ANO4: variants seen among roughly 807,000 people sequenced by gnomAD.
ANO4 encodes the protein anoctamin 4.
In ANO4, 69 loss-of-function variants were observed where a neutral mutation model predicts 141.9. The observed-to-expected ratio is 0.49, with a 90% CI of 0.40 to 0.59. ANO4 has a LOEUF of 0.59. Ranked by LOEUF, ANO4 falls within the 20% of genes least tolerant of loss-of-function variation. ANO4 has a pLI of 0.00. For synonymous variants in ANO4, 350 were observed against 394.3 expected, an observed-to-expected ratio of 0.89 and a Z score of 1.33; for missense variants, 894 against 1,162.2, an observed-to-expected ratio of 0.77 and a Z score of 3.36.
intron 3 of ANO4, among the ~76,000 whole-genome samples, chr12:100,926,641 C>T (rs141043500): frequency 5.4e-5 from 8 of 148,192 alleles, no homozygotes; most frequent in East Asian, 2.0e-4. Context: ...TGTTTCTTTT[C>T]GTTGATGTTA....
intron 3 of ANO4, among the ~76,000 whole-genome samples, chr12:100,742,130 A>T (rs1264326633): frequency 6.6e-6 from 1 of 152,122 alleles, no homozygotes; most frequent in Non-Finnish European, 1.5e-5. Context: ...TATTATTCTT[A>T]CTATTAGTAT....
chr12:101,097,805 C>A, intron 20 of ANO4, 43 bp from the exon 21 acceptor site: 1 of 1,606,948 alleles, frequency 6.2e-7, no homozygotes, highest in Non-Finnish European at 8.5e-7. Context: ...CCCTTTCTTC[C>A]TCTCCATTGA....
chr12:100,924,626 A>G (rs1452638485), intron 3 of ANO4, among the ~76,000 whole-genome samples: 1 of 152,164 alleles, frequency 6.6e-6, no homozygotes, highest in Admixed American at 6.6e-5. Context: ...CAAGAGAATA[A>G]AAATCAGATT....
intron 3 of ANO4, among the ~76,000 whole-genome samples, chr12:100,927,216 T>G (rs1326808335): frequency 6.6e-6 from 1 of 152,066 alleles, no homozygotes; most frequent in East Asian, 1.9e-4. Flanking sequence ...TCTGGATACA[T>G]GAGGCAGGAA....
chr12:101,039,556 G>A lies in ANO4; in HGVS notation c.898-399G>A, dbSNP rs1421636730. On this transcript the variant is annotated intron_variant, in intron 10 of 27. Transcript: ENST00000392977. ...AAGAAGTAGGGAAGAGAACTAATAA[G>A]CCTTGGGCATGGCCCCTGGGCCAGA... 2.0e-5 allele frequency among the ~76,000 whole-genome samples: 3 copies of A among 152,164 alleles called. No individual in the cohort carries two copies. In the East Asian group the frequency reaches 5.8e-4, roughly 29 times the overall value.
chr12:100,999,467 G>C (rs952892647), intron 8 of ANO4, among the ~76,000 whole-genome samples: 1 of 152,112 alleles, frequency 6.6e-6, no homozygotes, highest in African/African-American at 2.4e-5. Context: ...AATAATCCAG[G>C]TAATCTCCCT....
At chr12:100,955,333 C>T (rs1037891113) in intron 5 of ANO4, among the ~76,000 whole-genome samples, 1 of 152,216 alleles carries the variant, frequency 6.6e-6, no homozygotes, top group Non-Finnish European at 1.5e-5. Context: ...GGCTGACTCA[C>T]ATGGCTGGAA....
intron 3 of ANO4, among the ~76,000 whole-genome samples, chr12:100,745,309 C>A (rs926349956): frequency 6.6e-6 from 1 of 152,182 alleles, no homozygotes; most frequent in African/African-American, 2.4e-5. Context: ...TTTGTGAATT[C>A]TTTCCCTTTT....
rs141016576 is a variant in ANO4 at position 101,107,530 on chromosome 12, T to C, written c.2150-2874T>C. On this transcript the variant is annotated intron_variant, in intron 22 of 27. Coordinates refer to ENST00000392977, the MANE Select transcript of ANO4 (RefSeq NM_001286615.2). ...TCTTGAAGGTAGAATGACTACTTCA[T>C]CAAAGTAGTCATAGCAACACTGCAT... Among the ~76,000 whole-genome samples, 1,051 of 134,066 alleles carry C rather than the reference T, an allele frequency of 7.8e-3. 13 individuals carry two copies. The highest frequency in any genetic ancestry group is 0.033 in the African/African-American group (990 of 30,394). 88.0% of individuals were successfully genotyped at this position (134,066 alleles called of 152,430 possible). A position where few individuals can be genotyped will look rare whatever the true frequency, so the allele number is the denominator to read the frequency against.
chr12:101,043,630 G>A lies in ANO4; in HGVS notation c.1246G>A (p.Ala416Thr). The change falls in exon 13 of 28, where the codon GCC (alanine) becomes ACC (threonine). Residue 416 changes from alanine (A) to threonine (T), a missense_variant. Physicochemically the swap from Ala to Thr is moderately conservative, Grantham distance 58. Around this residue, in one of 2 missense-constraint regions of ANO4, gnomAD observed 637 missense variants for 909.2 expected, o/e 0.70. Coordinates refer to ENST00000392977, the MANE Select transcript of ANO4 (RefSeq NM_001286615.2). ...FMRLSDSCVY[A>T]KVTHLFDNGA... ...GAGGCTGTCAGACAGCTGTGTATAT[G>A]CCAAGGTAATTTCAAACTGTAGCAT... The A allele has an allele frequency of 6.2e-6, 10 of 1,606,812 alleles. No individual in the cohort carries two copies. Among genetic ancestry groups the A allele is most frequent in the Non-Finnish European group, 8.5e-6 (10 of 1,173,764 alleles).
chr12:100,730,818 C>T (rs35934161), intron 1 of ANO4, among the ~76,000 whole-genome samples: 2 of 152,156 alleles, frequency 1.3e-5, no homozygotes, highest in African/African-American at 4.8e-5. Flanking sequence ...AATTAGTTTT[C>T]CCATATTAAA....
At chr12:100,906,810 G>C (rs148876211) in intron 2 of ANO4, among the ~76,000 whole-genome samples, 1 of 152,268 alleles carries the variant, frequency 6.6e-6, no homozygotes, top group Non-Finnish European at 1.5e-5. Context: ...TCTGAAGGTG[G>C]ATTTGAGACT....
intron 3 of ANO4, among the ~76,000 whole-genome samples, chr12:100,760,195 T>C (rs2135523153): frequency 6.6e-6 from 1 of 152,334 alleles, no homozygotes; most frequent in African/African-American, 2.4e-5. Flanking sequence ...AAGAAGGTCA[T>C]TTGGAGTGAC....
At chr12:100,930,132 G>A (rs1281400099) in intron 3 of ANO4, among the ~76,000 whole-genome samples, 1 of 152,100 alleles carries the variant, frequency 6.6e-6, no homozygotes, top group Non-Finnish European at 1.5e-5. Flanking sequence ...TCTGTGGGTT[G>A]TCTCTTCACT....
At chr12:100,901,960 C>T in intron 2 of ANO4, 120 bp downstream of exon 2, 1 of 979,488 alleles carries the variant, frequency 1.0e-6, no homozygotes, top group South Asian at 1.7e-5. Flanking sequence ...TGTTAGGAGT[C>T]TTGTTCTATT....
chr12:100,979,040 C>A (rs118034951), intron 7 of ANO4, among the ~76,000 whole-genome samples: 4 of 151,910 alleles, frequency 2.6e-5, no homozygotes, highest in African/African-American at 9.7e-5. Flanking sequence ...AAGAGAAGAG[C>A]GCCTGTGGCA....
intron 1 of ANO4, among the ~76,000 whole-genome samples, chr12:100,887,179 C>T (rs1251280949): frequency 1.3e-5 from 2 of 152,152 alleles, no homozygotes; most frequent in East Asian, 1.9e-4. Flanking sequence ...CTTCGAGAAG[C>T]GCTTTTTTGA....
intron 1 of ANO4, among the ~76,000 whole-genome samples, chr12:100,718,374 C>T (rs1226987433): frequency 6.6e-6 from 1 of 152,226 alleles, no homozygotes; most frequent in Non-Finnish European, 1.5e-5. Flanking sequence ...AGACCTCCCT[C>T]CCTTCCTCTT....
intron 9 of ANO4, among the ~76,000 whole-genome samples, chr12:101,033,369 A>C (rs997083706): frequency 1.3e-5 from 2 of 152,120 alleles, no homozygotes; most frequent in Admixed American, 6.6e-5. Flanking sequence ...CTAATGCTAG[A>C]TGACGAGCTA....
Sources: gnomAD v4.1 joint callset for allele counts (sites outside exome capture counted in the v4.1 genomes callset) on GRCh38, gnomAD v4.1.1 for gene constraint, gnomAD v4.1.1 regional missense constraint, MANE v1.5 for transcripts, NCBI Gene and HGNC (gene_info 2026-07-23, HGNC 2026-07-21) for gene names.